Variants in ETV1 observed in about 807,000 individuals in gnomAD.
The protein encoded by ETV1 is ETS translocation variant 1.
A neutral mutation model predicts 62.3 loss-of-function variants in ETV1; 27 were observed. The observed-to-expected ratio is 0.43, with a 90% CI of 0.32 to 0.60. ETV1 has a LOEUF of 0.60. Ranked by LOEUF, ETV1 falls within the 20% of genes least tolerant of loss-of-function variation. The pLI, the probability that ETV1 is intolerant of heterozygous loss-of-function variation, is 0.06. For missense variants in ETV1, 605 were observed against 605.8 expected (o/e 1.00, Z 0.01); for synonymous variants, 222 against 199.6 (o/e 1.11, Z -0.94).
chr7:13,956,140 C>A (rs1789424392), intron 6 of ETV1, among the ~76,000 whole-genome samples: 1 of 151,960 alleles, frequency 6.6e-6, no homozygotes, highest in African/African-American at 2.4e-5. Context: ...ATTACAATAG[C>A]CGAAAATATA....
intron 7 of ETV1, among the ~76,000 whole-genome samples, chr7:13,936,535 G>A (rs1450975996): frequency 6.6e-6 from 1 of 152,030 alleles, no homozygotes; most frequent in African/African-American, 2.4e-5. Context: ...AATGTCATTA[G>A]GAATAAAATC....
intron 7 of ETV1, among the ~76,000 whole-genome samples, chr7:13,936,745 G>A (rs1786845639): frequency 6.6e-6 from 1 of 152,050 alleles, no homozygotes. Flanking sequence ...AAGTTAGAAT[G>A]CTGTATTTCA....
At chr7:13,909,132 C>A (rs1783288600) in intron 11 of ETV1, among the ~76,000 whole-genome samples, 1 of 108,478 alleles carries the variant, frequency 9.2e-6, no homozygotes, top group Admixed American at 9.8e-5. Flanking sequence ...ACATCTTCCC[C>A]AGTTAAAAAA....
chr7:13,946,865 C>T (rs188663832), intron 6 of ETV1, among the ~76,000 whole-genome samples: 204 of 152,208 alleles, frequency 1.3e-3, no homozygotes, highest in African/African-American at 4.6e-3. Flanking sequence ...CTCAGCTCAC[C>T]GCAACCCCTG....
rs2128398677 is a variant in ETV1, at chr7:13,895,477, A to T, written c.*389T>A. On this transcript the variant is annotated 3_prime_UTR_variant, in exon 14 of 14. Coordinates refer to ENST00000430479, the MANE Select transcript of ETV1 (RefSeq NM_004956.5). ...CAAGTGGATATTTACACAACGTGAA[A>T]TTAACTGTACCATAGATACCCCGAT... 8.0e-6 allele frequency: 2 copies of T among 248,478 alleles called. No individual in the cohort carries two copies. The highest frequency in any genetic ancestry group is 1.2e-3 in the Middle Eastern group (1 of 828). 15.4% of individuals were successfully genotyped at this position (248,478 alleles called of 1,614,324 possible). A position where few individuals can be genotyped will look rare whatever the true frequency, so the allele number is the denominator to read the frequency against.
chr7:13,938,095 G>A (rs1057426848), intron 7 of ETV1, among the ~76,000 whole-genome samples: 4 of 152,086 alleles, frequency 2.6e-5, no homozygotes, highest in Admixed American at 6.5e-5. Context: ...ACAGGCATGC[G>A]CCACCATGCC....
intron 6 of ETV1, among the ~76,000 whole-genome samples, chr7:13,948,583 C>T (rs751328641): frequency 2.6e-5 from 4 of 152,092 alleles, no homozygotes; most frequent in Non-Finnish European, 4.4e-5. Flanking sequence ...GTAAATGAAG[C>T]GTTAGTAGAA....
At chr7:13,966,232 G>C (rs1780273629) in intron 6 of ETV1, among the ~76,000 whole-genome samples, 1 of 152,174 alleles carries the variant, frequency 6.6e-6, no homozygotes, top group Non-Finnish European at 1.5e-5. Flanking sequence ...CCTATAACAT[G>C]AATTTTAGCA....
intron 6 of ETV1, among the ~76,000 whole-genome samples, chr7:13,972,989 C>G (rs910664290): frequency 6.6e-6 from 1 of 152,196 alleles, no homozygotes; most frequent in African/African-American, 2.4e-5. Context: ...AATATACCAT[C>G]ACTGGATTCC....
intron 6 of ETV1, among the ~76,000 whole-genome samples, chr7:13,969,734 G>A (rs1365962457): frequency 6.6e-6 from 1 of 152,200 alleles, no homozygotes; most frequent in East Asian, 1.9e-4. Context: ...GCTGATTACC[G>A]GCATTAAAGT....
At chr7:13,948,057 T>C (rs1788377613) in intron 6 of ETV1, among the ~76,000 whole-genome samples, 1 of 152,220 alleles carries the variant, frequency 6.6e-6, no homozygotes, top group Non-Finnish European at 1.5e-5. Context: ...AGTATTCACG[T>C]TTGCTTTTAG....
chr7:13,929,572 T>A (rs180675288), intron 9 of ETV1, among the ~76,000 whole-genome samples: 3 of 152,296 alleles, frequency 2.0e-5, no homozygotes, highest in African/African-American at 7.2e-5. Flanking sequence ...TGGGCCACAC[T>A]GTGAGAGTTT....
At chr7:13,990,055 C>G (rs994666715), upstream of ETV1, 1 of 153,614 alleles carries the variant, frequency 6.5e-6, no homozygotes, top group Non-Finnish European at 1.4e-5. Flanking sequence ...CCCTTAGAGC[C>G]GCGATCCACA....
intron 9 of ETV1, among the ~76,000 whole-genome samples, chr7:13,922,008 T>A (rs921916432): frequency 6.6e-6 from 1 of 152,150 alleles, no homozygotes; most frequent in Non-Finnish European, 1.5e-5. Flanking sequence ...ATAATTGTAA[T>A]ATGTTGTCTA....
At chr7:13,918,004 G>T (rs796299820) in intron 9 of ETV1, among the ~76,000 whole-genome samples, 1 of 151,882 alleles carries the variant, frequency 6.6e-6, no homozygotes, top group Non-Finnish European at 1.5e-5. Context: ...GATACAGGAT[G>T]CCATTAGCTG....
At chr7:13,916,760 C>A (rs180691974) in intron 9 of ETV1, among the ~76,000 whole-genome samples, 1 of 152,158 alleles carries the variant, frequency 6.6e-6, no homozygotes, top group East Asian at 1.9e-4. Context: ...GAAACCCCAT[C>A]TCTACCAAAA....
chr7:13,927,262 A>G (rs761368477), intron 9 of ETV1, among the ~76,000 whole-genome samples: 1 of 152,072 alleles, frequency 6.6e-6, no homozygotes, highest in Non-Finnish European at 1.5e-5. Flanking sequence ...CAGCCTAGCC[A>G]ACATGATGAA....
At chr7:13,922,257 C>T (rs117928084) in intron 9 of ETV1, among the ~76,000 whole-genome samples, 4,823 of 152,184 alleles carry the variant, frequency 0.032, 135 homozygotes, top group East Asian at 0.14. Context: ...GTTGTGGTTG[C>T]TGAGAAGAGA....
At chr7:13,990,388 G>A (rs1313919494), upstream of ETV1, 3 of 152,258 alleles carry the variant, frequency 2.0e-5, no homozygotes, top group African/African-American at 4.8e-5. Context: ...AGGTGAAAAA[G>A]TATAAGTCAA....
Sources: allele counts gnomAD v4.1 joint callset (sites outside exome capture counted in the v4.1 genomes callset), GRCh38; gene constraint gnomAD v4.1.1; transcripts MANE v1.5; gene names NCBI Gene and HGNC (gene_info 2026-07-23, HGNC 2026-07-21).